FAM135B: variants seen among roughly 807,000 people sequenced by gnomAD.
The protein encoded by FAM135B is family with sequence similarity 135 member B.
In FAM135B, 43 loss-of-function variants were observed where a neutral mutation model predicts 127.7. The observed-to-expected ratio is 0.34, with a 90% CI of 0.26 to 0.43. FAM135B has a LOEUF of 0.43. Among genes scored for constraint, FAM135B ranks in the 20% least tolerant of loss-of-function variants. FAM135B has a pLI of 1.00. For synonymous variants in FAM135B, 670 were observed against 665.1 expected, an observed-to-expected ratio of 1.01 and a Z score of -0.11; for missense variants, 1,558 against 1,725.6, an observed-to-expected ratio of 0.90 and a Z score of 1.72.
intron 5 of FAM135B, among the ~76,000 whole-genome samples, chr8:138,254,480 C>T (rs193225738): frequency 3.3e-5 from 5 of 152,064 alleles, no homozygotes; most frequent in South Asian, 4.2e-4. Context: ...AGTGATAGGG[C>T]GGGGTGGGTT....
intron 5 of FAM135B, among the ~76,000 whole-genome samples, chr8:138,251,265 G>A (rs1040129766): frequency 2.6e-5 from 4 of 151,934 alleles, no homozygotes; most frequent in African/African-American, 4.8e-5. Context: ...CCACTGTCAC[G>A]GACATCAAGT....
chr8:138,389,158 C>T (rs887822504), intron 1 of FAM135B, among the ~76,000 whole-genome samples: 1 of 152,140 alleles, frequency 6.6e-6, no homozygotes, highest in Non-Finnish European at 1.5e-5. Context: ...ATAACAAGTG[C>T]TGACAAGAAT....
intron 1 of FAM135B, 38 bp from the exon 2 acceptor site, chr8:138,368,040 A>C (rs1830866322): frequency 1.4e-6 from 2 of 1,446,942 alleles, no homozygotes; most frequent in African/African-American, 1.4e-5. Context: ...TTGAGATCAC[A>C]TCAGCCACTC....
intron 9 of FAM135B, among the ~76,000 whole-genome samples, chr8:138,180,962 C>A (rs572999982): frequency 6.6e-6 from 1 of 152,048 alleles, no homozygotes; most frequent in African/African-American, 2.4e-5. Context: ...AAACTGGGGC[C>A]GGGCATGGTG....
At chr8:138,375,588 A>T (rs1831419030) in intron 1 of FAM135B, among the ~76,000 whole-genome samples, 1 of 152,206 alleles carries the variant, frequency 6.6e-6, no homozygotes, top group Admixed American at 6.5e-5. Context: ...GCCCTTCCAT[A>T]ACACGTAAAG....
At chr8:138,224,730 A>G (rs1819282201) in intron 7 of FAM135B, among the ~76,000 whole-genome samples, 1 of 152,166 alleles carries the variant, frequency 6.6e-6, no homozygotes, top group Non-Finnish European at 1.5e-5. Context: ...TTGGAAAGTC[A>G]TTAGAGTTGG....
At chr8:138,367,714 C>T (rs182717428) in intron 2 of FAM135B, among the ~76,000 whole-genome samples, 193 bp downstream of exon 2, 2 of 152,062 alleles carry the variant, frequency 1.3e-5, no homozygotes, top group East Asian at 3.9e-4. Context: ...TAGTCTCTGT[C>T]AATATGTGGT....
At chr8:138,430,573 G>A (rs1199337736) in intron 1 of FAM135B, among the ~76,000 whole-genome samples, 1 of 152,138 alleles carries the variant, frequency 6.6e-6, no homozygotes, top group Non-Finnish European at 1.5e-5. Context: ...ATTCCACAAG[G>A]TGACGGTGGA....
intron 16 of FAM135B, among the ~76,000 whole-genome samples, chr8:138,142,288 C>CTTTTTTTTTTTTTT (rs71316322): frequency 1.6e-5 from 1 of 62,366 alleles, no homozygotes; most frequent in South Asian, 5.6e-4. Context: ...TCTGCTTCTT[C>CTTTTTTTTTTTTTT]TTTTTTTTTT....
At chr8:138,271,414 T>C (rs1248609387) in intron 3 of FAM135B, among the ~76,000 whole-genome samples, 2 of 152,222 alleles carry the variant, frequency 1.3e-5, no homozygotes, top group Non-Finnish European at 2.9e-5. Flanking sequence ...ATTATGTTTG[T>C]ATGTTTTTGC....
intron 2 of FAM135B, among the ~76,000 whole-genome samples, chr8:138,365,603 G>A (rs1215887931): frequency 1.3e-5 from 2 of 152,150 alleles, no homozygotes; most frequent in Non-Finnish European, 2.9e-5. Context: ...GCTTTTGTAA[G>A]AAGTAGGATA....
chr8:138,372,051 C>T (rs1831162315), intron 1 of FAM135B, among the ~76,000 whole-genome samples: 1 of 152,212 alleles, frequency 6.6e-6, no homozygotes, highest in Non-Finnish European at 1.5e-5. Flanking sequence ...GGACCTGGGT[C>T]TTTGGCACTC....
chr8:138,291,808 C>G (rs1338808211), intron 3 of FAM135B, among the ~76,000 whole-genome samples: 2 of 152,134 alleles, frequency 1.3e-5, no homozygotes, highest in African/African-American at 4.8e-5. Flanking sequence ...TTCAAGCCTA[C>G]AGCTAACATC....
intron 4 of FAM135B, among the ~76,000 whole-genome samples, chr8:138,263,135 A>G (rs1392030081): frequency 6.6e-6 from 1 of 152,126 alleles, no homozygotes; most frequent in Non-Finnish European, 1.5e-5. Flanking sequence ...AAGAAAAATT[A>G]AAATTAAAAA....
rs150920893 is a variant in FAM135B, at chr8:138,252,995, T to C, written c.369-1981A>G. On this transcript the variant is annotated intron_variant, in intron 5 of 19. Transcript: ENST00000395297. ...TTGTATTTTTCAGTAGAGATGGGGTTTCACCATGTTGGGCAGGCTGGTCTC... is the reference window on the plus strand; with the variant it reads ...TTGTATTTTTCAGTAGAGATGGGGTCTCACCATGTTGGGCAGGCTGGTCTC... 1.1e-4 allele frequency among the ~76,000 whole-genome samples: 16 copies of C among 152,268 alleles called. No individual in the cohort carries two copies. The East Asian group carries it at 1.9e-3, about 18-fold the overall frequency.
At chr8:138,349,831 G>T (rs937041865) in intron 2 of FAM135B, among the ~76,000 whole-genome samples, 6 of 152,126 alleles carry the variant, frequency 3.9e-5, no homozygotes, top group African/African-American at 1.4e-4. Flanking sequence ...GTTCTGCAGT[G>T]AGCCAGATTC....
chr8:138,288,532 T>C (rs1053589892), intron 3 of FAM135B, among the ~76,000 whole-genome samples: 11 of 152,064 alleles, frequency 7.2e-5, no homozygotes, highest in African/African-American at 2.4e-4. Flanking sequence ...GGAATGATCA[T>C]GCCAAGGAGA....
intron 2 of FAM135B, among the ~76,000 whole-genome samples, chr8:138,332,931 G>A (rs1354353855): frequency 6.6e-6 from 1 of 151,520 alleles, no homozygotes; most frequent in Non-Finnish European, 1.5e-5. Context: ...CCAGGGTGCT[G>A]TCCTCCCCTA....
At chr8:138,312,473 A>G (rs1826763730) in intron 2 of FAM135B, among the ~76,000 whole-genome samples, 1 of 152,152 alleles carries the variant, frequency 6.6e-6, no homozygotes, top group Non-Finnish European at 1.5e-5. Context: ...CTGTTTCCTC[A>G]TATATCCCAG....
Sources: allele counts gnomAD v4.1 joint callset (sites outside exome capture counted in the v4.1 genomes callset), GRCh38; gene constraint gnomAD v4.1.1; transcripts MANE v1.5; gene names NCBI Gene and HGNC (gene_info 2026-07-23, HGNC 2026-07-21).